LRRC31: variants seen among roughly 807,000 people sequenced by gnomAD.
The protein encoded by LRRC31 is leucine rich repeat containing 31.
In LRRC31, 35 loss-of-function variants were observed where a neutral mutation model predicts 46.7. That is an observed-to-expected ratio of 0.75 (90% CI 0.57 to 0.99). The LOEUF (loss-of-function observed/expected upper bound fraction) is 0.99, where lower values mean the gene tolerates loss of function less well. Ranked by LOEUF, LRRC31 falls within the 50% of genes least tolerant of loss-of-function variation. The pLI, the probability that LRRC31 is intolerant of heterozygous loss-of-function variation, is 0.00. For missense variants in LRRC31, 613 were observed against 626.1 expected (o/e 0.98, Z 0.22); for synonymous variants, 236 against 235.1 (o/e 1.00, Z -0.03).
chr3:169,867,199 C>T (rs1252902627), intron 1 of LRRC31, among the ~76,000 whole-genome samples: 1 of 149,742 alleles, frequency 6.7e-6, no homozygotes, highest in Admixed American at 6.6e-5. Context: ...CACAGGCATG[C>T]ACCACCATGC....
At chr3:169,860,887 G>A (rs182329611) in intron 2 of LRRC31, among the ~76,000 whole-genome samples, 159 bp from the exon 3 acceptor site, 1 of 152,246 alleles carries the variant, frequency 6.6e-6, no homozygotes, top group Non-Finnish European at 1.5e-5. Context: ...GCCCTCAGCT[G>A]TACAAGTGGA....
At position 169,847,564 on chromosome 3, in the gene LRRC31, A is replaced by C. The variant is rs138279922; in HGVS notation, c.1327+556T>G. ...TTATTCCTTATTCAATTATCTTTCC[A>C]TCTTTCTAGACTGACATGGAAAAAG... is the stretch of plus-strand genomic sequence containing the variant. On this transcript the variant is annotated intron_variant, in intron 8 of 8. Coordinates refer to ENST00000316428, the MANE Select transcript of LRRC31 (RefSeq NM_024727.4). Among the ~76,000 whole-genome samples, 4 of 152,184 alleles carry C rather than the reference A, an allele frequency of 2.6e-5. No individual in the cohort carries two copies. The East Asian group carries it at 7.7e-4, about 29-fold the overall frequency.
intron 5 of LRRC31, among the ~76,000 whole-genome samples, 176 bp from the exon 6 acceptor site, chr3:169,855,156 ACTCCCATCTG>A: frequency 6.6e-6 from 1 of 151,966 alleles, no homozygotes; most frequent in South Asian, 2.1e-4. Context: ...GGGCGTGATG[ACTCCCATCTG>A]TAATCCTAGG....
At chr3:169,853,808 A>C (rs1255683745) in intron 6 of LRRC31, 2 of 671,218 alleles carry the variant, frequency 3.0e-6, no homozygotes, top group Non-Finnish European at 3.7e-6. Flanking sequence ...TTCCTCCCCA[A>C]ATTGTACTAT....
In LRRC31 at chr3:169,840,308, C is replaced by T. The variant is rs1466118787; in HGVS notation, c.1333G>A (p.Val445Ile). The T allele has an allele frequency of 1.2e-6, 2 of 1,613,962 alleles. No homozygotes were observed. Among genetic ancestry groups the T allele is most frequent in the African/African-American group, 2.7e-5 (2 of 74,914 alleles). Residue 445 changes from valine to isoleucine, a missense_variant, in exon 9 of 9, where the codon GTC becomes ATC. Val to Ile is a conservative substitution (Grantham distance 29). Transcript: ENST00000316428. ...VTEDVALLAS[V>I]IQTGHLAKLQ... is the part of the protein sequence containing the mutation. ...TTGGCCAGATGACCCGTCTGTATGACCGATGCTGGAAAACAGAATCACTCT... is the reference window on the plus strand; with the variant it reads ...TTGGCCAGATGACCCGTCTGTATGATCGATGCTGGAAAACAGAATCACTCT...
At position 169,860,559 on chromosome 3, in the gene LRRC31, A is replaced by T; in HGVS notation, c.487+2T>A. On this transcript the variant is annotated splice_donor_variant, in intron 3 of 8. Coordinates refer to ENST00000316428, the MANE Select transcript of LRRC31 (RefSeq NM_024727.4). LOFTEE classifies it high-confidence loss of function. ...ATCTTTTAAGAAATGCATTCATCATACCCAGTGCTTGAACATCGTCAGTGG... is the reference window on the plus strand; with the variant it reads ...ATCTTTTAAGAAATGCATTCATCATTCCCAGTGCTTGAACATCGTCAGTGG... The T allele has an allele frequency of 6.2e-7, 1 of 1,614,000 alleles. No homozygotes were observed. Among genetic ancestry groups the T allele is most frequent in the Non-Finnish European group, 8.5e-7 (1 of 1,179,942 alleles).
chr3:169,858,899 G>A (rs1369043629), intron 3 of LRRC31, among the ~76,000 whole-genome samples: 4 of 150,962 alleles, frequency 2.6e-5, no homozygotes, highest in African/African-American at 4.9e-5. Flanking sequence ...CCAGCTACTT[G>A]GGAGGCTGAG....
At chr3:169,854,766 G>A (rs1252833356) in intron 6 of LRRC31, 47 bp downstream of exon 6, 2 of 1,468,194 alleles carry the variant, frequency 1.4e-6, no homozygotes, top group South Asian at 2.5e-5. Flanking sequence ...TCCAAATATA[G>A]GCCAAGATTC....
chr3:169,858,367 G>A (rs1781036504), intron 3 of LRRC31, among the ~76,000 whole-genome samples: 1 of 152,162 alleles, frequency 6.6e-6, no homozygotes, highest in African/African-American at 2.4e-5. Context: ...GGAGGGTCAG[G>A]AAAAAGATCA....
chr3:169,869,615 C>A lies in LRRC31; in HGVS notation c.175+18G>T. 1.9e-6 allele frequency: 3 copies of A among 1,547,072 alleles called. No homozygotes were observed. The highest frequency in any genetic ancestry group is 2.1e-5 in the Admixed American group (1 of 47,212). On this transcript the variant is annotated intron_variant, in intron 1 of 8. Transcript: ENST00000316428. ...AAAACAAATACAACAGCAAAAACAC[C>A]AGCAGCCAGCAGCTTACCAGTCTCT...
intron 8 of LRRC31, among the ~76,000 whole-genome samples, chr3:169,847,076 G>A (rs1005985596): frequency 1.3e-5 from 2 of 152,204 alleles, no homozygotes; most frequent in African/African-American, 4.8e-5. Flanking sequence ...AATTCCGGCT[G>A]AATAGTGATT....
rs531184232 is a variant in LRRC31, at chr3:169,867,063, T to G, written c.175+2570A>C. On this transcript the variant is annotated intron_variant, in intron 1 of 8. Transcript: ENST00000316428. ...GTTTTTTTTGTTTGTTTGTTTGTTTTTTTTTTTTTGAGGGTCTTGCTCTGT... is the reference window on the plus strand; with the variant it reads ...GTTTTTTTTGTTTGTTTGTTTGTTTGTTTTTTTTTGAGGGTCTTGCTCTGT... 3.0e-3 allele frequency among the ~76,000 whole-genome samples: 435 copies of G among 144,600 alleles called. 6 individuals are homozygous for G. Among genetic ancestry groups the G allele is most frequent in the East Asian group, 0.016 (80 of 5,134 alleles). 94.9% of individuals were successfully genotyped at this position (144,600 alleles called of 152,430 possible).
chr3:169,853,484 T>C, intron 6 of LRRC31: 1 of 985,578 alleles, frequency 1.0e-6, no homozygotes, highest in Non-Finnish European at 1.2e-6. Flanking sequence ...TGGGAACAAT[T>C]GAGGTTCTCC....
intron 2 of LRRC31, among the ~76,000 whole-genome samples, chr3:169,861,387 A>AAG (rs1553925248): frequency 8.7e-5 from 13 of 149,776 alleles, no homozygotes; most frequent in African/African-American, 3.3e-4. Context: ...AAAAAAAAGA[A>AAG]AAAAGAAAAA....
chr3:169,859,712 A>G (rs1392435473), intron 3 of LRRC31, among the ~76,000 whole-genome samples: 1 of 152,208 alleles, frequency 6.6e-6, no homozygotes, highest in Non-Finnish European at 1.5e-5. Context: ...AATGTTTCAA[A>G]ATGTGGGTGG....
At chr3:169,861,374 T>TAAAAAAA (rs756902027) in intron 2 of LRRC31, among the ~76,000 whole-genome samples, 2 of 134,222 alleles carry the variant, frequency 1.5e-5, no homozygotes, top group African/African-American at 2.8e-5. Flanking sequence ...GCCTTTTTCT[T>TAAAAAAA]AAAAAAAAAA....
In LRRC31 at chr3:169,869,634, A is replaced by AGT; in HGVS notation, c.172_173dup (p.Ala59LeufsTer34). The AGT allele has an allele frequency of 6.3e-7, 1 of 1,585,684 alleles. No individual in the cohort carries two copies. Among genetic ancestry groups the AGT allele is most frequent in the Non-Finnish European group, 8.6e-7 (1 of 1,168,668 alleles). On this transcript the variant is annotated frameshift_variant and splice_region_variant, in exon 1 of 9. Transcript: ENST00000316428. LOFTEE classifies it high-confidence loss of function. ...AAACACCAGCAGCCAGCAGCTTACC[A>AGT]GTCTCTGAGGTGGCTGTCTTCTGTA...
chr3:169,853,033 G>C (rs1425467211), intron 6 of LRRC31, among the ~76,000 whole-genome samples: 1 of 152,144 alleles, frequency 6.6e-6, no homozygotes, highest in Non-Finnish European at 1.5e-5. Flanking sequence ...AGATAGATGG[G>C]CACTTGTAAA....
intron 3 of LRRC31, among the ~76,000 whole-genome samples, chr3:169,858,413 C>T (rs1781037477): frequency 1.3e-5 from 2 of 152,196 alleles, no homozygotes; most frequent in African/African-American, 4.8e-5. Flanking sequence ...TGTCTTTTCA[C>T]ACCTGAGTAA....
Sources: allele counts gnomAD v4.1 joint callset (sites outside exome capture counted in the v4.1 genomes callset), GRCh38; gene constraint gnomAD v4.1.1; transcripts MANE v1.5; gene names NCBI Gene and HGNC (gene_info 2026-07-23, HGNC 2026-07-21).